Variants in DLG2 observed in about 807,000 individuals in gnomAD.
DLG2 encodes the protein discs large MAGUK scaffold protein 2.
DLG2 carries 45 observed loss-of-function variants against 132.5 expected under a neutral mutation model. That is an observed-to-expected ratio of 0.34 (90% CI 0.27 to 0.44). DLG2 has a LOEUF of 0.44. DLG2 is among the 20% of genes least tolerant of loss of function. The pLI is 1.00. For missense variants in DLG2, 1,045 were observed against 1,196.9 expected (o/e 0.87, Z 1.87); for synonymous variants, 424 against 419.6 (o/e 1.01, Z -0.13).
At chr11:84,199,554 TAAA>T (rs2096565404) in intron 8 of DLG2, among the ~76,000 whole-genome samples, 1 of 151,568 alleles carries the variant, frequency 6.6e-6, no homozygotes, top group African/African-American at 2.4e-5. Flanking sequence ...TACATAATAA[TAAA>T]GAAAAAATGG....
chr11:85,190,049 T>G (rs1490710878), intron 4 of DLG2, among the ~76,000 whole-genome samples: 1 of 152,190 alleles, frequency 6.6e-6, no homozygotes, highest in Non-Finnish European at 1.5e-5. Context: ...CAGGCAGGAC[T>G]TCTAATGCTT....
chr11:84,116,572 G>T (rs947921794), intron 9 of DLG2, among the ~76,000 whole-genome samples: 2 of 152,148 alleles, frequency 1.3e-5, no homozygotes, highest in African/African-American at 4.8e-5. Flanking sequence ...ACTATCAGGA[G>T]AACGACATGG....
chr11:84,397,800 G>T (rs1427733780), intron 7 of DLG2, among the ~76,000 whole-genome samples: 1 of 152,200 alleles, frequency 6.6e-6, no homozygotes, highest in African/African-American at 2.4e-5. Context: ...CTAATGTCAT[G>T]CTGACATTTC....
At chr11:85,614,410 G>A (rs1406971045) in intron 2 of DLG2, among the ~76,000 whole-genome samples, 2 of 151,992 alleles carry the variant, frequency 1.3e-5, no homozygotes, top group Admixed American at 6.6e-5. Context: ...AGGAGGCTGA[G>A]GCAGGTGGAT....
chr11:85,491,603 C>T (rs1044705824), intron 3 of DLG2, among the ~76,000 whole-genome samples: 5 of 151,940 alleles, frequency 3.3e-5, no homozygotes, highest in South Asian at 4.1e-4. Context: ...TTTCTACATG[C>T]TAACAAGAAA....
chr11:85,361,489 A>G (rs116291339), intron 3 of DLG2, among the ~76,000 whole-genome samples: 113 of 152,182 alleles, frequency 7.4e-4, no homozygotes, highest in African/African-American at 2.6e-3. Context: ...TCCAATGGCT[A>G]TTATTCCACT....
intron 6 of DLG2, among the ~76,000 whole-genome samples, chr11:84,834,002 G>C (rs935931773): frequency 6.6e-6 from 1 of 151,630 alleles, no homozygotes; most frequent in East Asian, 1.9e-4. Flanking sequence ...ACAAAATAGA[G>C]TAGGCACAAG....
At chr11:84,850,209 A>G (rs2082011946) in intron 6 of DLG2, among the ~76,000 whole-genome samples, 1 of 152,140 alleles carries the variant, frequency 6.6e-6, no homozygotes, top group Non-Finnish European at 1.5e-5. Flanking sequence ...GTATGAGAAA[A>G]GAAATCATGT....
At chr11:84,991,585 A>G (rs762525679) in intron 6 of DLG2, among the ~76,000 whole-genome samples, 1 of 152,074 alleles carries the variant, frequency 6.6e-6, no homozygotes, top group Non-Finnish European at 1.5e-5. Context: ...GAGAAAAACA[A>G]GAAGAGGGAA....
intron 7 of DLG2, among the ~76,000 whole-genome samples, chr11:84,265,194 T>C (rs1235401041): frequency 6.6e-6 from 1 of 152,162 alleles, no homozygotes; most frequent in African/African-American, 2.4e-5. Context: ...TGTAGCCATA[T>C]ATGAGGACAT....
At chr11:85,466,678 T>G (rs1200526781) in intron 3 of DLG2, among the ~76,000 whole-genome samples, 4 of 152,214 alleles carry the variant, frequency 2.6e-5, no homozygotes, top group African/African-American at 7.2e-5. Context: ...TATCTCTGTT[T>G]TGGTACCAGT....
chr11:84,834,052 T>C lies in DLG2; in HGVS notation c.357+277609A>G, dbSNP rs760511370. ...CTTCATAAAATAATAAATACACTTCTCTGGATAGAAACTGTGTTAGATATT... is the reference window on the plus strand; with the variant it reads ...CTTCATAAAATAATAAATACACTTCCCTGGATAGAAACTGTGTTAGATATT... On this transcript the variant is annotated intron_variant, in intron 6 of 27. Transcript: ENST00000376104. 1.9e-4 allele frequency among the ~76,000 whole-genome samples: 29 copies of C among 151,838 alleles called. No individual in the cohort carries two copies. The Middle Eastern group carries it at 0.01, about 53-fold the overall frequency.
At chr11:84,798,259 G>C (rs1267211207) in intron 6 of DLG2, among the ~76,000 whole-genome samples, 1 of 152,178 alleles carries the variant, frequency 6.6e-6, no homozygotes, top group Non-Finnish European at 1.5e-5. Context: ...TCCCTTCAGT[G>C]TGACAAGTTG....
intron 5 of DLG2, among the ~76,000 whole-genome samples, chr11:85,127,390 A>T (rs983355437): frequency 1.3e-5 from 2 of 151,334 alleles, no homozygotes; most frequent in African/African-American, 2.4e-5. Context: ...CCCGATATTT[A>T]TCCCTGCCTA....
intron 9 of DLG2, among the ~76,000 whole-genome samples, chr11:84,127,111 A>C (rs1595777588): frequency 6.6e-6 from 1 of 152,228 alleles, no homozygotes; most frequent in East Asian, 1.9e-4. Flanking sequence ...ATCTAGGACA[A>C]GGATGTTTAT....
At chr11:84,123,261 T>C (rs2094009365) in intron 9 of DLG2, among the ~76,000 whole-genome samples, 1 of 152,254 alleles carries the variant, frequency 6.6e-6, no homozygotes, top group South Asian at 2.1e-4. Flanking sequence ...AAAGCATCTG[T>C]AATGCACTTT....
At chr11:85,497,061 A>G (rs570182054) in intron 3 of DLG2, among the ~76,000 whole-genome samples, 5 of 151,770 alleles carry the variant, frequency 3.3e-5, no homozygotes, top group Non-Finnish European at 7.4e-5. Flanking sequence ...AGGGAACAAA[A>G]TGAGATGGAG....
intron 7 of DLG2, among the ~76,000 whole-genome samples, chr11:84,360,542 T>A (rs1567401726): frequency 6.6e-6 from 1 of 151,970 alleles, no homozygotes; most frequent in Non-Finnish European, 1.5e-5. Context: ...AGCTCCACAA[T>A]TGCCCCAGCT....
At chr11:85,575,848 T>C (rs973480528) in intron 3 of DLG2, among the ~76,000 whole-genome samples, 1 of 152,196 alleles carries the variant, frequency 6.6e-6, no homozygotes, top group Non-Finnish European at 1.5e-5. Context: ...ATATCTACCA[T>C]GTAACTACAA....
Sources: gnomAD v4.1 joint callset for allele counts (sites outside exome capture counted in the v4.1 genomes callset) on GRCh38, gnomAD v4.1.1 for gene constraint, MANE v1.5 for transcripts, NCBI Gene and HGNC (gene_info 2026-07-23, HGNC 2026-07-21) for gene names.